Variants in TRIM9 observed in about 807,000 individuals in gnomAD.
TRIM9 encodes tripartite motif containing 9.
TRIM9 carries 26 observed loss-of-function variants against 78.3 expected under a neutral mutation model. That is an observed-to-expected ratio of 0.33 (90% CI 0.24 to 0.46). The LOEUF (loss-of-function observed/expected upper bound fraction) is 0.46. TRIM9 is among the 20% of genes least tolerant of loss of function. The pLI, the probability that TRIM9 is intolerant of heterozygous loss-of-function variation, is 1.00. For missense variants in TRIM9, 787 were observed against 1,036.4 expected (o/e 0.76, Z 3.30); for synonymous variants, 398 against 416.5 (o/e 0.96, Z 0.54).
chr14:51,032,143 C>CA (rs892514331), intron 1 of TRIM9, among the ~76,000 whole-genome samples: 17 of 152,186 alleles, frequency 1.1e-4, no homozygotes, highest in African/African-American at 4.1e-4. Context: ...CTTTGAACCA[C>CA]AAAAAAATGT....
intron 1 of TRIM9, among the ~76,000 whole-genome samples, chr14:51,028,761 C>G (rs1294683371): frequency 6.6e-6 from 1 of 152,190 alleles, no homozygotes; most frequent in African/African-American, 2.4e-5. Context: ...AATGATGCAG[C>G]TGAAGCCCTG....
chr14:51,074,780 A>C (rs1305814090), intron 1 of TRIM9, among the ~76,000 whole-genome samples: 1 of 152,206 alleles, frequency 6.6e-6, no homozygotes, highest in Non-Finnish European at 1.5e-5. Context: ...CTTAGCTGTC[A>C]TTCCACCCTG....
In TRIM9 at chr14:51,094,153, C is replaced by G. The variant is rs201874678; in HGVS notation, c.787G>C (p.Val263Leu). 8.7e-6 allele frequency: 14 copies of G among 1,613,892 alleles called. No homozygotes were observed. The highest frequency in any genetic ancestry group is 1.1e-5 in the Non-Finnish European group (13 of 1,179,858). The change falls in exon 1 of 13, where the codon GTC (valine) becomes CTC (leucine). Residue 263 changes from valine to leucine, a missense_variant. This residue lies in a region of TRIM9 where 352 missense variants were observed against 472.3 expected (regional missense o/e 0.75). Coordinates refer to ENST00000684578, the MANE Select transcript of TRIM9 (RefSeq NM_001387360.1). The part of the protein sequence containing the change: ...LEEGKHSSHE[V>L]KALGAMWKLH... ...TTCCACATGGCCCCCAGAGCCTTGA[C>G]TTCGTGGCTGGAGTGTTTGCCCTCC...
intron 1 of TRIM9, among the ~76,000 whole-genome samples, chr14:51,076,699 C>G (rs2062811718): frequency 6.6e-6 from 1 of 152,202 alleles, no homozygotes; most frequent in African/African-American, 2.4e-5. Context: ...TTGTGTCTAT[C>G]ATTCCTTTCA....
At chr14:51,066,052 A>AGAAGGAAGGAAG (rs78448733) in intron 1 of TRIM9, among the ~76,000 whole-genome samples, 1 of 112,616 alleles carries the variant, frequency 8.9e-6, no homozygotes, top group Admixed American at 9.6e-5. Context: ...CATCTCTTTT[A>AGAAGGAAGGAAG]GAAGGAAGGA....
intron 7 of TRIM9, among the ~76,000 whole-genome samples, chr14:50,993,588 G>C (rs933118050): frequency 6.6e-6 from 1 of 152,188 alleles, no homozygotes; most frequent in East Asian, 1.9e-4. Context: ...GGCTGGTCTC[G>C]AACTCTTGAC....
chr14:50,981,680 A>G (rs2051927750), intron 11 of TRIM9, 120 bp downstream of exon 11: 1 of 1,310,008 alleles, frequency 7.6e-7, no homozygotes, highest in South Asian at 1.3e-5. Context: ...TGTGCTACTT[A>G]ATGTAGACCA....
At chr14:51,001,774 C>G (rs2055083398) in intron 5 of TRIM9, among the ~76,000 whole-genome samples, 1 of 152,084 alleles carries the variant, frequency 6.6e-6, no homozygotes, top group Non-Finnish European at 1.5e-5. Flanking sequence ...TCCGAGGAAC[C>G]TGATGTCATT....
intron 1 of TRIM9, among the ~76,000 whole-genome samples, chr14:51,036,692 C>T (rs182405500): frequency 4.9e-4 from 74 of 152,270 alleles, no homozygotes; most frequent in East Asian, 3.7e-3. Flanking sequence ...CAAGTATTTT[C>T]GATCCAGTGT....
At chr14:51,039,681 T>C in intron 1 of TRIM9, among the ~76,000 whole-genome samples, 1 of 152,258 alleles carries the variant, frequency 6.6e-6, no homozygotes, top group East Asian at 1.9e-4. Context: ...GTTACACGAA[T>C]AATTTTTTTT....
At chr14:51,072,872 C>G (rs993717645) in intron 1 of TRIM9, among the ~76,000 whole-genome samples, 1 of 152,048 alleles carries the variant, frequency 6.6e-6, no homozygotes, top group Admixed American at 6.6e-5. Context: ...AGATGATTTG[C>G]ACTGAGAAAA....
At chr14:51,002,639 C>T (rs956422227) in intron 5 of TRIM9, among the ~76,000 whole-genome samples, 1 of 152,202 alleles carries the variant, frequency 6.6e-6, no homozygotes, top group African/African-American at 2.4e-5. Flanking sequence ...TGAATTAAAT[C>T]TATGCCTTGT....
chr14:50,997,788 C>G, intron 7 of TRIM9: 1 of 1,365,702 alleles, frequency 7.3e-7, no homozygotes, highest in Non-Finnish European at 9.4e-7. Flanking sequence ...GCTTCTTCAA[C>G]TGCAGCTTAT....
chr14:51,011,811 G>A (rs2056611516), intron 3 of TRIM9, among the ~76,000 whole-genome samples: 1 of 151,988 alleles, frequency 6.6e-6, no homozygotes, highest in African/African-American at 2.4e-5. Context: ...TTTTTCTCTG[G>A]AATCAGACTT....
rs1276161166 is a variant in TRIM9 at position 50,975,437 on chromosome 14, G to A, written c.*1854C>T. On this transcript the variant is annotated 3_prime_UTR_variant, in exon 13 of 13. Transcript: ENST00000684578. ...ACAAGAGGAACTATGAGTCTACCAC[G>A]GCCCAGCCATTGAGTCTCATTGGAG... is the stretch of plus-strand genomic sequence containing the variant. 6.6e-6 allele frequency: 1 copy of A among 152,558 alleles called. No homozygotes were observed. The highest frequency in any genetic ancestry group is 2.1e-4 in the South Asian group (1 of 4,824). The allele number at this position is 152,558 out of a possible 1,614,324, so 9.5% of individuals were successfully genotyped here.
At position 50,986,532 on chromosome 14, in the gene TRIM9, C is replaced by T. The variant is rs372257296; in HGVS notation, c.1604-388G>A. On this transcript the variant is annotated intron_variant, in intron 7 of 12. Coordinates refer to ENST00000684578, the MANE Select transcript of TRIM9 (RefSeq NM_001387360.1). The stretch of plus-strand genomic sequence containing the variant: ...CTTCAGTTGTCCTGGGAGTTACTAC[C>T]TATTCAACAATGGCCTCTTAAAGGG... The T allele has an allele frequency of 2.9e-4, 45 of 156,350 alleles. No individual in the cohort carries two copies. The Middle Eastern group carries it at 0.013, about 45-fold the overall frequency. The allele number at this position is 156,350 out of a possible 1,614,324, so 9.7% of individuals were successfully genotyped here.
chr14:51,027,921 A>G (rs1316778845), intron 1 of TRIM9, among the ~76,000 whole-genome samples: 2 of 152,144 alleles, frequency 1.3e-5, no homozygotes, highest in African/African-American at 4.8e-5. Flanking sequence ...TTTAGTAACC[A>G]CACTTAGATG....
Position 50,982,098 on chromosome 14 carries a change from A to T in TRIM9, c.1864T>A (p.Trp622Arg). ...GCCGAGCCAGGGTCGAAAGCAAACC[A>T]GGCCACTGGGAACAACAGAAGGGAA... is the stretch of plus-strand genomic sequence containing the variant. Reference protein sequence around the residue: ...VDIKKLLAVAWFAFDPGSAHS... With the variant: ...VDIKKLLAVARFAFDPGSAHS... The change falls in exon 11 of 13, where the codon TGG becomes AGG. Residue 622 changes from tryptophan to arginine, a missense_variant. Trp to Arg is a moderately radical substitution (Grantham distance 101). This residue lies in a region of TRIM9 where 421 missense variants were observed against 514.3 expected (regional missense o/e 0.82). Coordinates refer to ENST00000684578, the MANE Select transcript of TRIM9 (RefSeq NM_001387360.1). 1 of 1,613,822 alleles carries T rather than the reference A, an allele frequency of 6.2e-7. No individual in the cohort carries two copies. The highest frequency in any genetic ancestry group is 1.3e-5 in the African/African-American group (1 of 75,046).
chr14:51,030,831 T>C (rs758873475), intron 1 of TRIM9, among the ~76,000 whole-genome samples: 52 of 152,142 alleles, frequency 3.4e-4, no homozygotes, highest in Non-Finnish European at 5.9e-4. Flanking sequence ...ATTAAACTGC[T>C]GCTTATTGTT....
Sources: gnomAD v4.1 joint callset for allele counts (sites outside exome capture counted in the v4.1 genomes callset) on GRCh38, gnomAD v4.1.1 for gene constraint, gnomAD v4.1.1 regional missense constraint, MANE v1.5 for transcripts, NCBI Gene and HGNC (gene_info 2026-07-23, HGNC 2026-07-21) for gene names.